SYT9: variants seen among roughly 807,000 people sequenced by gnomAD.
SYT9 encodes the protein synaptotagmin-9.
A neutral mutation model predicts 48.4 loss-of-function variants in SYT9; 22 were observed. The ratio of observed to expected loss-of-function variants is 0.45; its 90% CI spans 0.32 to 0.65. SYT9 has a LOEUF of 0.65. SYT9 is among the 30% of genes least tolerant of loss of function. The pLI, the probability that SYT9 is intolerant of heterozygous loss-of-function variation, is 0.03. For missense variants in SYT9, 577 were observed against 622.0 expected, an observed-to-expected ratio of 0.93 and a Z score of 0.77; for synonymous variants, 265 against 245.0, an observed-to-expected ratio of 1.08 and a Z score of -0.76.
intron 1 of SYT9, among the ~76,000 whole-genome samples, chr11:7,290,700 G>A (rs918859651): frequency 5.3e-5 from 8 of 152,238 alleles, no homozygotes; most frequent in African/African-American, 1.4e-4. Flanking sequence ...CTCTGGTGTG[G>A]CAGGTATCTT....
intron 1 of SYT9, among the ~76,000 whole-genome samples, chr11:7,273,217 G>A (rs959086882): frequency 6.6e-6 from 1 of 151,958 alleles, no homozygotes; most frequent in Admixed American, 6.6e-5. Context: ...GTGTATTTAA[G>A]GTATGTAGTA....
intron 3 of SYT9, among the ~76,000 whole-genome samples, chr11:7,406,332 C>G (rs1327102607): frequency 6.6e-6 from 1 of 151,986 alleles, no homozygotes; most frequent in East Asian, 1.9e-4. Flanking sequence ...CACCCACACA[C>G]CCTTCCTACC....
chr11:7,289,173 C>G (rs1461667941), intron 1 of SYT9, among the ~76,000 whole-genome samples: 1 of 152,174 alleles, frequency 6.6e-6, no homozygotes, highest in Admixed American at 6.5e-5. Flanking sequence ...AGTATTTGTT[C>G]AGGAGCTGCC....
chr11:7,343,802 T>G (rs1481085443), intron 3 of SYT9, among the ~76,000 whole-genome samples: 3 of 152,168 alleles, frequency 2.0e-5, no homozygotes, highest in African/African-American at 7.2e-5. Context: ...AAAAAGAGGT[T>G]TAATGGACTC....
intron 3 of SYT9, among the ~76,000 whole-genome samples, chr11:7,377,873 A>G (rs1377338614): frequency 6.6e-6 from 1 of 152,140 alleles, no homozygotes; most frequent in Non-Finnish European, 1.5e-5. Context: ...AGCACTAACT[A>G]GCTATGTGAG....
intron 1 of SYT9, among the ~76,000 whole-genome samples, chr11:7,300,694 G>A (rs953196156): frequency 2.6e-5 from 4 of 152,216 alleles, no homozygotes; most frequent in African/African-American, 7.2e-5. Flanking sequence ...TCACTGCTAT[G>A]TGGAGCCTAT....
chr11:7,324,308 C>T (rs887400160), intron 3 of SYT9, among the ~76,000 whole-genome samples: 1 of 151,840 alleles, frequency 6.6e-6, no homozygotes, highest in African/African-American at 2.4e-5. Context: ...TTCACTTTCT[C>T]ATTGATCAGT....
intron 6 of SYT9, among the ~76,000 whole-genome samples, chr11:7,465,127 G>A (rs1396798926): frequency 6.6e-6 from 1 of 151,858 alleles, no homozygotes; most frequent in Non-Finnish European, 1.5e-5. Flanking sequence ...GTGCTCCAGG[G>A]TAGCAGCTGA....
chr11:7,323,133 A>G (rs1235745578), intron 3 of SYT9, among the ~76,000 whole-genome samples: 2 of 152,150 alleles, frequency 1.3e-5, no homozygotes, highest in Non-Finnish European at 2.9e-5. Context: ...TCTATTTCAG[A>G]AAATGCTGCT....
intron 3 of SYT9, among the ~76,000 whole-genome samples, chr11:7,322,533 T>C (rs889852367): frequency 2.0e-5 from 3 of 152,166 alleles, no homozygotes; most frequent in African/African-American, 7.2e-5. Context: ...ATGTCTAGAT[T>C]ATTCAGAGGG....
At chr11:7,256,426 T>C (rs892947246) in intron 1 of SYT9, among the ~76,000 whole-genome samples, 3 of 152,156 alleles carry the variant, frequency 2.0e-5, no homozygotes, top group African/African-American at 7.2e-5. Flanking sequence ...TCAAGAACCA[T>C]GGCTAAAAGT....
intron 6 of SYT9, chr11:7,450,565 G>T (rs1046121058): frequency 6.6e-6 from 1 of 152,200 alleles, no homozygotes; most frequent in Admixed American, 6.5e-5. Context: ...AGTTGTTATT[G>T]TAAGAAAAGC....
chr11:7,291,628 G>T (rs535264911), intron 1 of SYT9, among the ~76,000 whole-genome samples: 1 of 151,874 alleles, frequency 6.6e-6, no homozygotes, highest in South Asian at 2.1e-4. Context: ...AAACAAGTCT[G>T]CACCCAATCT....
At chr11:7,290,260 T>A (rs1848675988) in intron 1 of SYT9, among the ~76,000 whole-genome samples, 1 of 152,216 alleles carries the variant, frequency 6.6e-6, no homozygotes, top group African/African-American at 2.4e-5. Flanking sequence ...AAAGTTAATA[T>A]TGACCATAGA....
chr11:7,374,003 A>G (rs535747987), intron 3 of SYT9, among the ~76,000 whole-genome samples: 75 of 152,054 alleles, frequency 4.9e-4, no homozygotes, highest in Non-Finnish European at 8.7e-4. Context: ...TACATTTGCC[A>G]TGGTGGTTTC....
chr11:7,384,001 A>AT (rs1307657600), intron 3 of SYT9, among the ~76,000 whole-genome samples: 1 of 151,474 alleles, frequency 6.6e-6, no homozygotes, highest in Non-Finnish European at 1.5e-5. Context: ...TTGATTTTTA[A>AT]TTTTATATTT....
chr11:7,408,625 C>T (rs891069952), intron 3 of SYT9, among the ~76,000 whole-genome samples: 2 of 151,978 alleles, frequency 1.3e-5, no homozygotes, highest in African/African-American at 4.8e-5. Context: ...TGATTTCTTT[C>T]TTGGCTAGTT....
At chr11:7,244,207 C>T (rs985112883) in intron 1 of SYT9, among the ~76,000 whole-genome samples, 37 of 152,126 alleles carry the variant, frequency 2.4e-4, no homozygotes, top group African/African-American at 8.7e-4. Context: ...TCTCTATTTT[C>T]TTTAAAGTGA....
intron 3 of SYT9, among the ~76,000 whole-genome samples, chr11:7,391,962 G>T (rs1363491797): frequency 6.6e-6 from 1 of 151,326 alleles, no homozygotes; most frequent in Admixed American, 6.6e-5. Context: ...TTTCTAATGA[G>T]GTTTTTTTTT....
Sources: gnomAD v4.1 joint callset for allele counts (sites outside exome capture counted in the v4.1 genomes callset) on GRCh38, gnomAD v4.1.1 for gene constraint, MANE v1.5 for transcripts, NCBI Gene and HGNC (gene_info 2026-07-23, HGNC 2026-07-21) for gene names.